Variants in LANCL3 observed in about 807,000 individuals in gnomAD.
LANCL3 encodes the protein LanC like family member 3, also known as lanC-like protein 3.
LANCL3 carries 19 observed loss-of-function variants against 26.5 expected under a neutral mutation model. The ratio of observed to expected loss-of-function variants is 0.72; its 90% CI spans 0.50 to 1.05. The LOEUF (loss-of-function observed/expected upper bound fraction) is 1.05, where lower values mean the gene tolerates loss of function less well. LANCL3 is among the 50% of genes least tolerant of loss of function. The probability of loss-of-function intolerance (pLI) is 0.00; values close to 1 mark genes in which losing one functional copy is unlikely to be tolerated. For synonymous variants in LANCL3, 160 were observed against 166.6 expected (o/e 0.96, Z 0.30); for missense variants, 318 against 362.7 (o/e 0.88, Z 1.00).
intron 1 of LANCL3, among the ~76,000 whole-genome samples, chrX:37,585,322 C>T (rs1308501696): frequency 9.0e-6 from 1 of 111,308 alleles, no homozygotes; most frequent in Non-Finnish European, 1.9e-5. Flanking sequence ...CTGCTTGGTG[C>T]AGAGCTGAGT....
At chrX:37,640,660 C>T (rs1218412815) in intron 1 of LANCL3, among the ~76,000 whole-genome samples, 2 of 111,855 alleles carry the variant, frequency 1.8e-5, no homozygotes, top group South Asian at 3.8e-4. Flanking sequence ...ATAAATCCTG[C>T]TTTGCCTACT....
chrX:37,621,895 T>A (rs1556422297), intron 1 of LANCL3, among the ~76,000 whole-genome samples: 1 of 111,446 alleles, frequency 9.0e-6, no homozygotes, highest in Non-Finnish European at 1.9e-5. Flanking sequence ...CCAAATTGCC[T>A]CCTGTCAGCA....
At chrX:37,586,794 A>C (rs1332882919) in intron 1 of LANCL3, among the ~76,000 whole-genome samples, 1 of 111,739 alleles carries the variant, frequency 8.9e-6, no homozygotes, top group Non-Finnish European at 1.9e-5. Flanking sequence ...TCTTCTCTCA[A>C]CTCATCAAAG....
At chrX:37,576,385 T>C (rs1556416416) in intron 1 of LANCL3, among the ~76,000 whole-genome samples, 2 of 111,361 alleles carry the variant, frequency 1.8e-5, no homozygotes, top group African/African-American at 3.3e-5. Flanking sequence ...TAAAAACTTA[T>C]ATTGGGCCCA....
chrX:37,583,426 A>T (rs1279744949), intron 1 of LANCL3, among the ~76,000 whole-genome samples: 1 of 111,713 alleles, frequency 9.0e-6, no homozygotes, highest in Non-Finnish European at 1.9e-5. Context: ...CATTTTCACG[A>T]TATTGATTCT....
At chrX:37,675,088 G>GT (rs782498827) in intron 4 of LANCL3, among the ~76,000 whole-genome samples, 40 of 112,194 alleles carry the variant, frequency 3.6e-4, no homozygotes, top group Non-Finnish European at 7.0e-4. Flanking sequence ...AATCTGTCTT[G>GT]TAGCTGCGTT....
At chrX:37,628,553 C>T (rs782271833) in intron 1 of LANCL3, among the ~76,000 whole-genome samples, 2 of 102,286 alleles carry the variant, frequency 2.0e-5, no homozygotes, top group Admixed American at 2.1e-4. Flanking sequence ...CCCATTAACT[C>T]GTCATTTAGC....
chrX:37,638,555 C>G (rs1404083293), intron 1 of LANCL3, among the ~76,000 whole-genome samples: 1 of 111,965 alleles, frequency 8.9e-6, no homozygotes, highest in Admixed American at 9.5e-5. Flanking sequence ...AATGTATTAA[C>G]AGACAGCTAA....
rs782365605 is a variant in LANCL3 at position 37,678,429 on chromosome X, T to C, written c.*2616T>C. The C allele has an allele frequency of 1.8e-5, 2 of 111,312 alleles. No individual in the cohort carries two copies. The highest frequency in any genetic ancestry group is 6.5e-5 in the African/African-American group (2 of 30,730). The allele number at this position is 111,312 out of a possible 1,213,427, so 9.2% of individuals were successfully genotyped here. A position where few individuals can be genotyped will look rare whatever the true frequency, so the allele number is the denominator to read the frequency against. On this transcript the variant is annotated 3_prime_UTR_variant, in exon 5 of 5. Coordinates refer to ENST00000378619, the MANE Select transcript of LANCL3 (RefSeq NM_001170331.2). ...ATTTTCACCACCACTAGTATAACTT[T>C]AATATTATTTACTATATACAGCATG...
intron 1 of LANCL3, among the ~76,000 whole-genome samples, chrX:37,624,809 A>G (rs146055689): frequency 0.012 from 1,384 of 111,843 alleles, 12 homozygotes; most frequent in African/African-American, 0.043. Context: ...GTTTACTGAA[A>G]CATCAGCAGT....
At chrX:37,591,351 G>C (rs781814884) in intron 1 of LANCL3, among the ~76,000 whole-genome samples, 11 of 111,648 alleles carry the variant, frequency 9.9e-5, no homozygotes, top group Non-Finnish European at 1.9e-5. Context: ...AGGAATTAGA[G>C]GTTCTAGGCA....
At chrX:37,582,494 G>T (rs1474448624) in intron 1 of LANCL3, among the ~76,000 whole-genome samples, 1 of 111,908 alleles carries the variant, frequency 8.9e-6, no homozygotes, top group Non-Finnish European at 1.9e-5. Context: ...GTGAGGGGGT[G>T]TCTCATCATA....
chrX:37,597,703 G>A lies in LANCL3; in HGVS notation c.573+25260G>A, dbSNP rs896501917. On this transcript the variant is annotated intron_variant, in intron 1 of 4. Coordinates refer to ENST00000378619, the MANE Select transcript of LANCL3 (RefSeq NM_001170331.2). ...TTTTTTTTTTTTTTTTTTTGTAGAGGCAGGGTTCTCGCTATATTGCCCAAG... is the reference window on the plus strand; with the variant it reads ...TTTTTTTTTTTTTTTTTTTGTAGAGACAGGGTTCTCGCTATATTGCCCAAG... Among the ~76,000 whole-genome samples, 7 of 90,606 alleles carry A rather than the reference G, an allele frequency of 7.7e-5. No individual in the cohort carries two copies. In the East Asian group the frequency reaches 2.0e-3, roughly 26 times the overall value. 78.7% of individuals were successfully genotyped at this position (90,606 alleles called of 115,157 possible).
At chrX:37,638,717 C>A (rs1925778974) in intron 1 of LANCL3, among the ~76,000 whole-genome samples, 1 of 111,384 alleles carries the variant, frequency 9.0e-6, no homozygotes. Flanking sequence ...TTTCATACAT[C>A]TATTAACCAG....
intron 3 of LANCL3, among the ~76,000 whole-genome samples, chrX:37,660,497 A>G (rs1926391192): frequency 9.0e-6 from 1 of 111,596 alleles, no homozygotes; most frequent in Non-Finnish European, 1.9e-5. Context: ...ATTCCATCAC[A>G]CTGCTATTAA....
rs199602933 is a variant in LANCL3, at chrX:37,572,057, G to T, written c.187G>T (p.Gly63Trp). 1,143 of 1,181,450 alleles carry T rather than the reference G, an allele frequency of 9.7e-4. 1 individual carries two copies. The highest frequency in any genetic ancestry group is 1.1e-3 in the Non-Finnish European group (982 of 882,591). The change falls in exon 1 of 5, where the codon GGG (glycine) becomes TGG (tryptophan). Residue 63 changes from glycine to tryptophan, a missense_variant. Gly to Trp is a radical substitution (Grantham distance 184). Transcript: ENST00000378619. ...GACGGCGGGGGCTAGCGCCTGCCAGGGGGGGCTTTATGGCGGCGTGGCCGG... is the reference window on the plus strand; with the variant it reads ...GACGGCGGGGGCTAGCGCCTGCCAGTGGGGGCTTTATGGCGGCGTGGCCGG... ...GATAGASACQ[G>W]GLYGGVAGVA... is the part of the protein sequence containing the mutation.
intron 1 of LANCL3, among the ~76,000 whole-genome samples, chrX:37,635,791 T>C (rs1345911504): frequency 9.0e-6 from 1 of 111,089 alleles, no homozygotes; most frequent in Non-Finnish European, 1.9e-5. Context: ...TATGAATATG[T>C]ATAGTTATTA....
At position 37,678,281 on chromosome X, in the gene LANCL3, C is replaced by G. The variant is rs1556438006; in HGVS notation, c.*2468C>G. 9.0e-6 allele frequency: 1 copy of G among 110,730 alleles called. No individual in the cohort carries two copies. The highest frequency in any genetic ancestry group is 9.6e-5 in the Admixed American group (1 of 10,402). 9.1% of individuals were successfully genotyped at this position (110,730 alleles called of 1,213,427 possible). A position where few individuals can be genotyped will look rare whatever the true frequency, so the allele number is the denominator to read the frequency against. On this transcript the variant is annotated 3_prime_UTR_variant, in exon 5 of 5. Transcript: ENST00000378619. ...TCCAAGAAGGGGAAAACGATTCTTA[C>G]ATTTTGCTGTAGGAAAGTGTGGCAT...
chrX:37,651,304 C>T (rs782500653), intron 1 of LANCL3, among the ~76,000 whole-genome samples: 3 of 111,570 alleles, frequency 2.7e-5, no homozygotes, highest in African/African-American at 6.5e-5. Flanking sequence ...GGAATCGCCA[C>T]ACTGTCTTCC....
Sources: gnomAD v4.1 joint callset for allele counts (sites outside exome capture counted in the v4.1 genomes callset) on GRCh38, gnomAD v4.1.1 for gene constraint, MANE v1.5 for transcripts, NCBI Gene and HGNC (gene_info 2026-07-23, HGNC 2026-07-21) for gene names.